POLD3: variants seen among roughly 807,000 people sequenced by gnomAD.
POLD3 encodes the protein DNA polymerase delta 3, accessory subunit.
A neutral mutation model predicts 58.2 loss-of-function variants in POLD3; 19 were observed. That is an observed-to-expected ratio of 0.33 (90% CI 0.23 to 0.48). The LOEUF (loss-of-function observed/expected upper bound fraction) is 0.48, where lower values mean the gene tolerates loss of function less well. Ranked by LOEUF, POLD3 falls within the 20% of genes least tolerant of loss-of-function variation. The probability of loss-of-function intolerance (pLI) is 0.99; values close to 1 mark genes in which losing one functional copy is unlikely to be tolerated. For missense variants in POLD3, 504 were observed against 545.5 expected (o/e 0.92, Z 0.76); for synonymous variants, 172 against 193.5 (o/e 0.89, Z 0.92).
chr11:74,614,496 G>T (rs544147697), intron 5 of POLD3, among the ~76,000 whole-genome samples: 1 of 152,144 alleles, frequency 6.6e-6, no homozygotes, highest in Non-Finnish European at 1.5e-5. Context: ...GGATCACGAG[G>T]TCAGGAGATT....
At chr11:74,665,323 C>CA (rs143931611) in intron 4 of POLD3, among the ~76,000 whole-genome samples, 3,064 of 120,424 alleles carry the variant, frequency 0.025, 113 homozygotes, top group African/African-American at 0.091. Context: ...GACTCTGTCT[C>CA]AAAAAAAAAA....
intron 8 of POLD3, among the ~76,000 whole-genome samples, chr11:74,627,974 T>A (rs903267347): frequency 6.6e-6 from 1 of 152,170 alleles, no homozygotes; most frequent in African/African-American, 2.4e-5. Context: ...TTAATAAAAT[T>A]TACCAGTGAA....
intron 11 of POLD3, among the ~76,000 whole-genome samples, chr11:74,637,932 G>A (rs1464726657): frequency 1.3e-5 from 2 of 151,948 alleles, no homozygotes; most frequent in Non-Finnish European, 2.9e-5. Context: ...CAGCATAGGG[G>A]GCTTGCCCTG....
At chr11:74,619,849 A>T (rs1160469100) in intron 6 of POLD3, among the ~76,000 whole-genome samples, 168 bp from the exon 7 acceptor site, 1 of 152,136 alleles carries the variant, frequency 6.6e-6, no homozygotes, top group Non-Finnish European at 1.5e-5. Context: ...TCTGGTGTGG[A>T]TTATTGTTCT....
At chr11:74,601,021 A>C (rs752164948) in intron 2 of POLD3, among the ~76,000 whole-genome samples, 1 of 152,138 alleles carries the variant, frequency 6.6e-6, no homozygotes, top group African/African-American at 2.4e-5. Context: ...ACCCAGCCAC[A>C]AGAATTGTTT....
In POLD3 at chr11:74,630,316, A is replaced by G. The variant is rs542906686; in HGVS notation, c.1006+993A>G. Among the ~76,000 whole-genome samples, 26 of 152,292 alleles carry G rather than the reference A, an allele frequency of 1.7e-4. No individual in the cohort carries two copies. The East Asian group carries it at 4.4e-3, about 26-fold the overall frequency. On this transcript the variant is annotated intron_variant, in intron 9 of 11. Coordinates refer to ENST00000263681, the MANE Select transcript of POLD3 (RefSeq NM_006591.3). ...GAAAAAAGGATATTAGCTCAACTAT[A>G]CAAGTGAGTGAAAAAAAAACAAATT...
intron 2 of POLD3, among the ~76,000 whole-genome samples, chr11:74,599,751 A>C (rs1253429373): frequency 6.6e-6 from 1 of 152,118 alleles, no homozygotes; most frequent in Non-Finnish European, 1.5e-5. Context: ...GATTTAAACA[A>C]GATAATTTCA....
chr11:74,619,958 C>A, intron 6 of POLD3, 59 bp from the exon 7 acceptor site: 1 of 1,318,220 alleles, frequency 7.6e-7, no homozygotes, highest in Non-Finnish European at 1.1e-6. Flanking sequence ...TTTGAGACTG[C>A]TACTTCATGA....
intron 4 of POLD3, among the ~76,000 whole-genome samples, chr11:74,657,882 G>A (rs929291082): frequency 1.1e-4 from 16 of 152,150 alleles, no homozygotes; most frequent in African/African-American, 3.9e-4. Flanking sequence ...TCTCCTTCAT[G>A]TTTGAAGGAT....
intron 2 of POLD3, among the ~76,000 whole-genome samples, chr11:74,600,039 G>C (rs2031432170): frequency 6.6e-6 from 1 of 151,268 alleles, no homozygotes; most frequent in African/African-American, 2.4e-5. Flanking sequence ...TCCGCCTTTA[G>C]AATTCAAGCA....
intron 9 of POLD3, among the ~76,000 whole-genome samples, chr11:74,634,108 G>T (rs2032676418): frequency 6.6e-6 from 1 of 152,180 alleles, no homozygotes. Flanking sequence ...GGGATAGTTG[G>T]AATAGCAAGG....
At chr11:74,624,666 G>T (rs2032376725) in intron 7 of POLD3, among the ~76,000 whole-genome samples, 1 of 152,138 alleles carries the variant, frequency 6.6e-6, no homozygotes, top group South Asian at 2.1e-4. Flanking sequence ...AGATGGCTAG[G>T]CCTGTTTGCA....
rs751694881 is a variant in POLD3 at position 74,611,492 on chromosome 11, C to G, written c.220-7C>G. ...TTAAGCACTAATAAAGTGTTATTTTCTTACAGTGCCACAAGGTTGCAGTAG... is the reference window on the plus strand; with the variant it reads ...TTAAGCACTAATAAAGTGTTATTTTGTTACAGTGCCACAAGGTTGCAGTAG... On this transcript the variant is annotated splice_region_variant and splice_polypyrimidine_tract_variant and intron_variant, in intron 3 of 11. Coordinates refer to ENST00000263681, the MANE Select transcript of POLD3 (RefSeq NM_006591.3). 6.5e-7 allele frequency: 1 copy of G among 1,535,828 alleles called. No homozygotes were observed. Among genetic ancestry groups the G allele is most frequent in the East Asian group, 2.3e-5 (1 of 44,012 alleles).
At chr11:74,660,017 T>C (rs944757268) in intron 4 of POLD3, among the ~76,000 whole-genome samples, 1 of 152,084 alleles carries the variant, frequency 6.6e-6, no homozygotes, top group Non-Finnish European at 1.5e-5. Flanking sequence ...TACCCGAGAC[T>C]GGGAAGAAAA....
Position 74,634,198 on chromosome 11 carries a change from C to T in POLD3, c.1007-385C>T, listed in dbSNP as rs79520269. 5.3e-5 allele frequency among the ~76,000 whole-genome samples: 8 copies of T among 152,286 alleles called. No homozygotes were observed. The East Asian group carries it at 1.5e-3, about 29-fold the overall frequency. On this transcript the variant is annotated intron_variant, in intron 9 of 11. Coordinates refer to ENST00000263681, the MANE Select transcript of POLD3 (RefSeq NM_006591.3). ...GTGACCTTGGCAAGTTTAGGAACCC[C>T]TCTGAACCTCTATTTACTGTAATGT...
chr11:74,656,586 C>CA (rs34224084), intron 4 of POLD3, among the ~76,000 whole-genome samples: 40,227 of 147,334 alleles, frequency 0.27, 5,748 homozygotes, highest in South Asian at 0.42. Context: ...GACTCCGTCT[C>CA]AAAAAAAAAA....
intron 2 of POLD3, among the ~76,000 whole-genome samples, chr11:74,601,549 G>T (rs757397542): frequency 5.9e-5 from 9 of 152,186 alleles, no homozygotes; most frequent in African/African-American, 9.6e-5. Context: ...CATTTTGAGA[G>T]GCCAAGGCAG....
intron 4 of POLD3, among the ~76,000 whole-genome samples, chr11:74,654,030 C>G (rs1419083617): frequency 6.6e-6 from 1 of 152,130 alleles, no homozygotes. Context: ...CACACTTTTG[C>G]TCAACCAGAT....
At chr11:74,598,062 A>G (rs562329317) in intron 2 of POLD3, among the ~76,000 whole-genome samples, 51 of 152,130 alleles carry the variant, frequency 3.4e-4, no homozygotes, top group Admixed American at 7.2e-4. Flanking sequence ...GCAAGAACCT[A>G]TCTCTAAAAG....
Sources: gnomAD v4.1 joint callset for allele counts (sites outside exome capture counted in the v4.1 genomes callset) on GRCh38, gnomAD v4.1.1 for gene constraint, MANE v1.5 for transcripts, NCBI Gene and HGNC (gene_info 2026-07-23, HGNC 2026-07-21) for gene names.